AXIN1: variants seen among roughly 807,000 people sequenced by gnomAD.
AXIN1 encodes the protein axin 1.
In AXIN1, 30 loss-of-function variants were observed where a neutral mutation model predicts 76.4. That is an observed-to-expected ratio of 0.39 (90% CI 0.29 to 0.53). AXIN1 has a LOEUF of 0.53. Among genes scored for constraint, AXIN1 ranks in the 20% least tolerant of loss-of-function variants. AXIN1 has a pLI of 0.66. For missense variants in AXIN1, 1,140 were observed against 1,198.8 expected (o/e 0.95, Z 0.72); for synonymous variants, 545 against 501.4 (o/e 1.09, Z -1.16).
rs750676997 is a variant in AXIN1, at chr16:314,695, C to A, written c.879-12G>T. ...GCCAGGATCCATACCTGCAAACAGG[C>A]AAGCAGGGCATGTTAGTGACAGCCT... On this transcript the variant is annotated splice_polypyrimidine_tract_variant and intron_variant, in intron 2 of 10. Transcript: ENST00000262320. 1.2e-6 allele frequency: 2 copies of A among 1,613,168 alleles called. No homozygotes were observed. The highest frequency in any genetic ancestry group is 1.7e-5 in the Admixed American group (1 of 60,020).
intron 2 of AXIN1, among the ~76,000 whole-genome samples, chr16:345,513 G>C (rs768326779): frequency 6.6e-6 from 1 of 152,200 alleles, no homozygotes; most frequent in African/African-American, 2.4e-5. Context: ...TCGGGAGTTC[G>C]AGACCAGCCT....
At chr16:339,943 C>G (rs1042840689) in intron 2 of AXIN1, among the ~76,000 whole-genome samples, 2 of 152,206 alleles carry the variant, frequency 1.3e-5, no homozygotes, top group Non-Finnish European at 2.9e-5. Context: ...GCACCTTCAA[C>G]AGCACCACCG....
Position 319,678 on chromosome 16 carries a change from G to A in AXIN1, c.879-4995C>T, listed in dbSNP as rs114955704. On this transcript the variant is annotated intron_variant, in intron 2 of 10. Transcript: ENST00000262320. ...GAAGGCACCTCTCTGGGACTCCCGC[G>A]GCTGCTCCCACATCCAGCATGGCCA... is the stretch of plus-strand genomic sequence containing the variant. 5.6e-3 allele frequency among the ~76,000 whole-genome samples: 857 copies of A among 152,276 alleles called. 10 individuals carry two copies. Among genetic ancestry groups the A allele is most frequent in the African/African-American group, 0.019 (803 of 41,556 alleles).
At chr16:325,496 T>C (rs1567291994) in intron 2 of AXIN1, among the ~76,000 whole-genome samples, 1 of 151,874 alleles carries the variant, frequency 6.6e-6, no homozygotes, top group Admixed American at 6.6e-5. Context: ...GCGGGCAGAG[T>C]TGACCCCGAG....
At chr16:288,416 A>C in intron 10 of AXIN1, 168 bp from the exon 11 acceptor site, 1 of 991,116 alleles carries the variant, frequency 1.0e-6, no homozygotes, top group Non-Finnish European at 1.5e-6. Flanking sequence ...GAACAGTGCA[A>C]TGACCACATG....
At chr16:331,325 A>G (rs555285794) in intron 2 of AXIN1, among the ~76,000 whole-genome samples, 1 of 152,216 alleles carries the variant, frequency 6.6e-6, no homozygotes, top group African/African-American at 2.4e-5. Context: ...AGCTGGGTCT[A>G]CCCTCTTTAT....
chr16:297,975 A>G lies in AXIN1; in HGVS notation c.1531T>C (p.Ser511Pro), dbSNP rs778809085. ...KMPVALGGAA[S>P]GHGKHVPKSG... The stretch of plus-strand genomic sequence containing the variant: ...TTGGGTACGTGCTTCCCGTGCCCCG[A>G]GGCGGCACCCCCCAGTGCCACTGGC... The change falls in exon 6 of 11, where the codon TCG becomes CCG. Residue 511 changes from serine to proline, a missense_variant. Physicochemically the swap from Ser to Pro is moderately conservative, Grantham distance 74 (BLOSUM62 -1). Transcript: ENST00000262320. 6 of 1,601,192 alleles carry G rather than the reference A, an allele frequency of 3.7e-6. No individual in the cohort carries two copies. The Admixed American group carries it at 6.7e-5, about 18-fold the overall frequency.
At position 288,247 on chromosome 16, in the gene AXIN1, A is replaced by G. The variant is rs2141460469; in HGVS notation, c.2464T>C (p.Tyr822His). ...ELLTKKGSYR[Y>H]YFKKVSDEFD... ...TCGTCGCTCACTTTCTTGAAGTAGT[A>G]TCTGCAGGACGGAGGTGAGGAGGGC... The change falls in exon 11 of 11, where the codon TAC becomes CAC. Residue 822 changes from tyrosine (Y) to histidine (H), a missense_variant and splice_region_variant. Tyr to His is a moderately conservative substitution (Grantham distance 83). This residue lies in a region of AXIN1 where 429 missense variants were observed against 405.8 expected (regional missense o/e 1.06). Coordinates refer to ENST00000262320, the MANE Select transcript of AXIN1 (RefSeq NM_003502.4). The G allele has an allele frequency of 1.2e-6, 2 of 1,613,572 alleles. No homozygotes were observed. Among genetic ancestry groups the G allele is most frequent in the Non-Finnish European group, 1.7e-6 (2 of 1,179,996 alleles).
chr16:343,336 C>T (rs1314192709), intron 2 of AXIN1, among the ~76,000 whole-genome samples: 2 of 152,186 alleles, frequency 1.3e-5, no homozygotes. Context: ...ACTGGGGTTC[C>T]AACAGTGGAA....
chr16:302,631 T>C (rs1307103731), intron 5 of AXIN1, among the ~76,000 whole-genome samples: 1 of 152,146 alleles, frequency 6.6e-6, no homozygotes, highest in African/African-American at 2.4e-5. Flanking sequence ...CGGTGGCATC[T>C]CCAGGCTTCA....
chr16:348,996 A>G (rs1023233935), intron 1 of AXIN1, among the ~76,000 whole-genome samples: 8 of 151,736 alleles, frequency 5.3e-5, no homozygotes, highest in Non-Finnish European at 1.2e-4. Flanking sequence ...TACTCGGGAG[A>G]CTGACGTGGG....
intron 5 of AXIN1, among the ~76,000 whole-genome samples, 163 bp downstream of exon 5, chr16:304,141 T>C (rs2052950234): frequency 6.6e-6 from 1 of 152,146 alleles, no homozygotes; most frequent in African/African-American, 2.4e-5. Context: ...GAGCTGGGGC[T>C]CGGCTGCAGA....
intron 2 of AXIN1, among the ~76,000 whole-genome samples, chr16:318,972 C>CGGCACAG (rs2053375891): frequency 9.1e-6 from 1 of 109,616 alleles, no homozygotes; most frequent in Non-Finnish European, 1.9e-5. Flanking sequence ...TTGGTGAGAG[C>CGGCACAG]GGCTCTGGCT....
At chr16:337,755 C>CGTT (rs2053836633) in intron 2 of AXIN1, among the ~76,000 whole-genome samples, 1 of 152,244 alleles carries the variant, frequency 6.6e-6, no homozygotes, top group Non-Finnish European at 1.5e-5. Context: ...CACAAGCCAG[C>CGTT]GTTCAACTCC....
At chr16:294,787 G>C (rs2052664237) in intron 7 of AXIN1, among the ~76,000 whole-genome samples, 1 of 147,806 alleles carries the variant, frequency 6.8e-6, no homozygotes, top group Non-Finnish European at 1.5e-5. Context: ...AAAAGGCCAG[G>C]CGCGGTGGCT....
chr16:329,004 G>A (rs1330169104), intron 2 of AXIN1, among the ~76,000 whole-genome samples: 5 of 151,868 alleles, frequency 3.3e-5, no homozygotes, highest in Admixed American at 2.6e-4. Flanking sequence ...GGCTGGGCAC[G>A]GTAGCTCACG....
At chr16:291,718 G>C in intron 8 of AXIN1, 1 of 316,160 alleles carries the variant, frequency 3.2e-6, no homozygotes, top group African/African-American at 2.2e-5. Flanking sequence ...TGCACCTCAG[G>C]GAGGCTGAGG....
At chr16:297,515 G>A (rs1299145408) in intron 6 of AXIN1, among the ~76,000 whole-genome samples, 20 of 152,166 alleles carry the variant, frequency 1.3e-4, no homozygotes, top group Admixed American at 8.5e-4. Context: ...AGCCAGGGTC[G>A]GGCTGTGTCC....
chr16:326,624 T>C (rs570251852), intron 2 of AXIN1, among the ~76,000 whole-genome samples: 61 of 150,552 alleles, frequency 4.1e-4, no homozygotes, highest in African/African-American at 1.4e-3. Context: ...GGCACGCCTG[T>C]AGTCCCAGCT....
Sources: allele counts gnomAD v4.1 joint callset (sites outside exome capture counted in the v4.1 genomes callset), GRCh38; gene constraint gnomAD v4.1.1; regional missense constraint gnomAD v4.1.1; transcripts MANE v1.5; gene names NCBI Gene and HGNC (gene_info 2026-07-23, HGNC 2026-07-21).